ZNF804B: variants seen among roughly 807,000 people sequenced by gnomAD.
ZNF804B encodes the protein zinc finger protein 804B, also known as zinc finger 804B.
ZNF804B carries 80 observed loss-of-function variants against 101.4 expected under a neutral mutation model. That is an observed-to-expected ratio of 0.79 (90% confidence interval 0.66 to 0.95). ZNF804B has a LOEUF of 0.95. Ranked by LOEUF, ZNF804B falls within the 40% of genes least tolerant of loss-of-function variation. The pLI is 0.00. For missense variants in ZNF804B, 1,673 were observed against 1,561.9 expected, an observed-to-expected ratio of 1.07 and a Z score of -1.20; for synonymous variants, 622 against 558.8, an observed-to-expected ratio of 1.11 and a Z score of -1.59.
chr7:88,873,885 G>A (rs962377855), intron 1 of ZNF804B, among the ~76,000 whole-genome samples: 23 of 152,274 alleles, frequency 1.5e-4, no homozygotes, highest in African/African-American at 5.5e-4. Context: ...TTGTAGTATA[G>A]TTTGAAGTCA....
At chr7:89,113,693 C>T (rs904641985) in intron 1 of ZNF804B, among the ~76,000 whole-genome samples, 13 of 152,090 alleles carry the variant, frequency 8.5e-5, no homozygotes, top group African/African-American at 3.1e-4. Context: ...TGGCTCATAC[C>T]TGTAATCCCA....
At chr7:89,072,429 C>G (rs1789556212) in intron 1 of ZNF804B, among the ~76,000 whole-genome samples, 1 of 152,132 alleles carries the variant, frequency 6.6e-6, no homozygotes, top group African/African-American at 2.4e-5. Flanking sequence ...AAAGAATGAG[C>G]TCTGTACTAC....
At chr7:88,820,529 G>T (rs1223149322) in intron 1 of ZNF804B, among the ~76,000 whole-genome samples, 1 of 152,064 alleles carries the variant, frequency 6.6e-6, no homozygotes, top group Non-Finnish European at 1.5e-5. Context: ...CTTTCCATGG[G>T]GACTTGATCT....
intron 1 of ZNF804B, among the ~76,000 whole-genome samples, chr7:88,793,104 A>C (rs1790405001): frequency 6.6e-6 from 1 of 152,064 alleles, no homozygotes; most frequent in East Asian, 1.9e-4. Flanking sequence ...ATTAACTCCA[A>C]AGTTGGTTTC....
At chr7:89,198,788 A>T (rs778891097) in intron 1 of ZNF804B, among the ~76,000 whole-genome samples, 3 of 151,278 alleles carry the variant, frequency 2.0e-5, no homozygotes, top group Non-Finnish European at 4.4e-5. Flanking sequence ...GTCCATGTGT[A>T]CTCCAGCCAA....
intron 1 of ZNF804B, among the ~76,000 whole-genome samples, chr7:89,144,001 C>G (rs1025368257): frequency 6.6e-6 from 1 of 151,838 alleles, no homozygotes; most frequent in Admixed American, 6.6e-5. Flanking sequence ...TTATTACACC[C>G]GTCTCCTTTT....
At chr7:89,032,864 T>C (rs1461172186) in intron 1 of ZNF804B, among the ~76,000 whole-genome samples, 1 of 152,056 alleles carries the variant, frequency 6.6e-6, no homozygotes, top group Non-Finnish European at 1.5e-5. Flanking sequence ...CAAGGTGATG[T>C]TATAATTTAT....
At chr7:89,173,926 ATATTTT>A (rs1791277959) in intron 1 of ZNF804B, among the ~76,000 whole-genome samples, 1 of 151,964 alleles carries the variant, frequency 6.6e-6, no homozygotes, top group Admixed American at 6.6e-5. Context: ...TGTTCAAATG[ATATTTT>A]TATTTATATT....
At chr7:89,022,272 C>G (rs1291607653) in intron 1 of ZNF804B, among the ~76,000 whole-genome samples, 1 of 152,104 alleles carries the variant, frequency 6.6e-6, no homozygotes, top group Non-Finnish European at 1.5e-5. Flanking sequence ...TGTTTCTTTT[C>G]TTATGGGGAG....
chr7:88,954,045 C>T (rs1362948196), intron 1 of ZNF804B, among the ~76,000 whole-genome samples: 2 of 151,580 alleles, frequency 1.3e-5, no homozygotes, highest in Non-Finnish European at 1.5e-5. Flanking sequence ...AAATGTATGC[C>T]CCTCTTTCAG....
chr7:89,032,208 G>A (rs1358740808), intron 1 of ZNF804B, among the ~76,000 whole-genome samples: 1 of 151,336 alleles, frequency 6.6e-6, no homozygotes, highest in African/African-American at 2.4e-5. Context: ...ATAGTGATAG[G>A]AGCATTTCAA....
intron 1 of ZNF804B, among the ~76,000 whole-genome samples, chr7:88,952,090 G>A (rs532022285): frequency 2.6e-5 from 4 of 151,924 alleles, no homozygotes; most frequent in South Asian, 4.1e-4. Context: ...TTCCATGGGG[G>A]AGAAATGTGG....
At chr7:88,824,808 A>G (rs956106956) in intron 1 of ZNF804B, among the ~76,000 whole-genome samples, 5 of 152,204 alleles carry the variant, frequency 3.3e-5, no homozygotes, top group African/African-American at 9.6e-5. Flanking sequence ...TAGCCTTTAT[A>G]AGTGTGGAGT....
chr7:89,167,053 G>T (rs1291112104), intron 1 of ZNF804B, among the ~76,000 whole-genome samples: 2 of 151,704 alleles, frequency 1.3e-5, no homozygotes, highest in Admixed American at 1.3e-4. Flanking sequence ...CTAATTTTTT[G>T]CATTTTTTAA....
intron 2 of ZNF804B, among the ~76,000 whole-genome samples, chr7:89,246,488 T>A (rs1354439253): frequency 6.6e-6 from 1 of 152,108 alleles, no homozygotes; most frequent in Non-Finnish European, 1.5e-5. Flanking sequence ...TCCAGGCATT[T>A]GAAGCAGCTA....
intron 1 of ZNF804B, among the ~76,000 whole-genome samples, chr7:88,854,402 T>TCTTC (rs1554340128): frequency 2.3e-5 from 3 of 130,388 alleles, no homozygotes; most frequent in African/African-American, 9.3e-5. Context: ...TTTCTTTCTT[T>TCTTC]CTTTCTTTCT....
chr7:88,999,584 T>G (rs1788254635), intron 1 of ZNF804B, among the ~76,000 whole-genome samples: 1 of 152,024 alleles, frequency 6.6e-6, no homozygotes, highest in Non-Finnish European at 1.5e-5. Context: ...ATCAGCATTT[T>G]TGTTGCCTAA....
At chr7:89,329,169 A>G (rs1162829121) in intron 3 of ZNF804B, among the ~76,000 whole-genome samples, 1 of 151,762 alleles carries the variant, frequency 6.6e-6, no homozygotes, top group Non-Finnish European at 1.5e-5. Flanking sequence ...GATTTGATAA[A>G]ATAGGCAAAC....
chr7:89,141,079 T>C (rs1447860203), intron 1 of ZNF804B, among the ~76,000 whole-genome samples: 1 of 151,952 alleles, frequency 6.6e-6, no homozygotes, highest in African/African-American at 2.4e-5. Context: ...GGAGGGGAGA[T>C]GGGGAACAGC....
Sources: gnomAD v4.1 joint callset for allele counts (sites outside exome capture counted in the v4.1 genomes callset) on GRCh38, gnomAD v4.1.1 for gene constraint, MANE v1.5 for transcripts, NCBI Gene and HGNC (gene_info 2026-07-23, HGNC 2026-07-21) for gene names.